The following ANKRD17 variants were observed in gnomAD, a reference collection of about 807,000 sequenced individuals.
The protein encoded by ANKRD17 is ankyrin repeat domain 17.
ANKRD17 carries 19 observed loss-of-function variants against 229.7 expected under a neutral mutation model. That is an observed-to-expected ratio of 0.08 (90% CI 0.06 to 0.12). The LOEUF is 0.12. Ranked by LOEUF, ANKRD17 falls within the 10% of genes least tolerant of loss-of-function variation. The pLI is 1.00. For missense variants in ANKRD17, 2,176 were observed against 3,176.8 expected (o/e 0.68, Z 7.57); for synonymous variants, 1,112 against 1,146.1 (o/e 0.97, Z 0.60).
chr4:73,205,241 C>G (rs756247227), intron 1 of ANKRD17, among the ~76,000 whole-genome samples: 1 of 152,134 alleles, frequency 6.6e-6, no homozygotes, highest in African/African-American at 2.4e-5. Flanking sequence ...GTGAGAGGAT[C>G]GCTTGTGCCC....
At chr4:73,179,553 C>T (rs142504791) in intron 1 of ANKRD17, among the ~76,000 whole-genome samples, 2,666 of 121,118 alleles carry the variant, frequency 0.022, 33 homozygotes, top group Middle Eastern at 0.06. Flanking sequence ...CATGGATAGT[C>T]TCACTGTGTT....
At chr4:73,219,018 A>T (rs1215861077) in intron 1 of ANKRD17, among the ~76,000 whole-genome samples, 3 of 152,130 alleles carry the variant, frequency 2.0e-5, no homozygotes, top group Non-Finnish European at 4.4e-5. Context: ...CTGAGATAAG[A>T]GTCACTGCAC....
chr4:73,165,703 T>C (rs936720868), intron 2 of ANKRD17, among the ~76,000 whole-genome samples: 1 of 152,162 alleles, frequency 6.6e-6, no homozygotes, highest in African/African-American at 2.4e-5. Flanking sequence ...TCAAATGAGC[T>C]TGTGAAAGGC....
Position 73,248,553 on chromosome 4 carries a change from A to C in ANKRD17, c.393+9723T>G, listed in dbSNP as rs1744707401. ...TTGCTAGATGTTAATAATGCTTCTTAAATAAATTTAGTTCAGAGAGTATAC... is the reference window on the plus strand; with the variant it reads ...TTGCTAGATGTTAATAATGCTTCTTCAATAAATTTAGTTCAGAGAGTATAC... On this transcript the variant is annotated intron_variant, in intron 1 of 33. Coordinates refer to ENST00000358602, the MANE Select transcript of ANKRD17 (RefSeq NM_032217.5). Among the ~76,000 whole-genome samples, 3 of 152,114 alleles carry C rather than the reference A, an allele frequency of 2.0e-5. No homozygotes were observed. In the South Asian group the frequency reaches 6.2e-4, roughly 32 times the overall value.
At chr4:73,099,803 A>C (rs1022435769) in intron 25 of ANKRD17, among the ~76,000 whole-genome samples, 1 of 152,034 alleles carries the variant, frequency 6.6e-6, no homozygotes, top group Non-Finnish European at 1.5e-5. Flanking sequence ...TGAGCCTCTT[A>C]CTTCCTCTTC....
At chr4:73,169,951 G>A (rs1274418079) in intron 2 of ANKRD17, among the ~76,000 whole-genome samples, 8 of 152,234 alleles carry the variant, frequency 5.3e-5, no homozygotes, top group South Asian at 2.1e-4. Context: ...CTGTCAACAC[G>A]GGCTGCAGTG....
intron 2 of ANKRD17, among the ~76,000 whole-genome samples, chr4:73,170,854 C>A (rs567137454): frequency 3.3e-5 from 5 of 152,202 alleles, no homozygotes; most frequent in African/African-American, 7.2e-5. Flanking sequence ...AGATACAGTA[C>A]AATAGACCCT....
At chr4:73,257,842 A>C (rs990917830) in intron 1 of ANKRD17, among the ~76,000 whole-genome samples, 3 of 151,914 alleles carry the variant, frequency 2.0e-5, no homozygotes, top group African/African-American at 7.3e-5. Context: ...CAACTGGGAG[A>C]AGTTGATCAA....
chr4:73,246,456 G>C (rs1238778016), intron 1 of ANKRD17, among the ~76,000 whole-genome samples: 1 of 152,076 alleles, frequency 6.6e-6, no homozygotes, highest in Non-Finnish European at 1.5e-5. Flanking sequence ...AACTGGATGG[G>C]ACTTTGAATT....
intron 1 of ANKRD17, among the ~76,000 whole-genome samples, chr4:73,193,506 C>G (rs934461229): frequency 1.3e-5 from 2 of 152,202 alleles, no homozygotes; most frequent in African/African-American, 4.8e-5. Flanking sequence ...TTCTCACTAG[C>G]TTTTGGTATC....
chr4:73,078,980 A>G lies in ANKRD17; in HGVS notation c.7160-90T>C. ...AAATCTTAAAACCAGGAGATGTTTT[A>G]AATATATATTCTCAGAAAAACAAAG... On this transcript the variant is annotated intron_variant, in intron 30 of 33. Coordinates refer to ENST00000358602, the MANE Select transcript of ANKRD17 (RefSeq NM_032217.5). The G allele has an allele frequency of 5.1e-6, 7 of 1,381,178 alleles. No individual in the cohort carries two copies. The East Asian group carries it at 1.7e-4, about 34-fold the overall frequency. 85.6% of individuals were successfully genotyped at this position (1,381,178 alleles called of 1,614,324 possible).
chr4:73,109,359 T>C (rs1578074721), intron 24 of ANKRD17, among the ~76,000 whole-genome samples: 1 of 151,172 alleles, frequency 6.6e-6, no homozygotes, highest in East Asian at 2.0e-4. Flanking sequence ...TAGATATTGG[T>C]GGGTGGATAG....
intron 1 of ANKRD17, among the ~76,000 whole-genome samples, chr4:73,191,937 T>C (rs1488239121): frequency 2.0e-5 from 3 of 152,112 alleles, no homozygotes; most frequent in Admixed American, 6.5e-5. Flanking sequence ...AAGTTCTTTT[T>C]ATTTTAACAG....
intron 1 of ANKRD17, among the ~76,000 whole-genome samples, chr4:73,242,030 C>T (rs1322410007): frequency 6.6e-6 from 1 of 152,046 alleles, no homozygotes; most frequent in Non-Finnish European, 1.5e-5. Flanking sequence ...AAGATATCTG[C>T]ATTATACTTA....
intron 24 of ANKRD17, among the ~76,000 whole-genome samples, chr4:73,107,522 G>C (rs990728875): frequency 6.6e-6 from 1 of 152,184 alleles, no homozygotes; most frequent in Non-Finnish European, 1.5e-5. Flanking sequence ...ATGTAAAAAA[G>C]GGGAAAAGAG....
chr4:73,239,690 ACT>A (rs1330235125), intron 1 of ANKRD17, among the ~76,000 whole-genome samples: 1 of 152,142 alleles, frequency 6.6e-6, no homozygotes, highest in African/African-American at 2.4e-5. Flanking sequence ...ATCTTCCTCT[ACT>A]GTTTAAATTT....
At chr4:73,117,840 ATTAC>A (rs1279590922) in intron 22 of ANKRD17, among the ~76,000 whole-genome samples, 3 of 152,232 alleles carry the variant, frequency 2.0e-5, no homozygotes, top group African/African-American at 7.2e-5. Context: ...ATTAAATCAA[ATTAC>A]TTACACACAG....
At chr4:73,244,492 T>C (rs909267985) in intron 1 of ANKRD17, among the ~76,000 whole-genome samples, 4 of 152,210 alleles carry the variant, frequency 2.6e-5, no homozygotes, top group African/African-American at 9.6e-5. Flanking sequence ...TTAGATGCGC[T>C]AGCCACATTT....
At chr4:73,089,050 T>TTA (rs1722502856) in intron 29 of ANKRD17, among the ~76,000 whole-genome samples, 1 of 151,794 alleles carries the variant, frequency 6.6e-6, no homozygotes, top group African/African-American at 2.4e-5. Flanking sequence ...TTTAAATTTT[T>TTA]TTTTTTTTTT....
Sources: allele counts gnomAD v4.1 joint callset (sites outside exome capture counted in the v4.1 genomes callset), GRCh38; gene constraint gnomAD v4.1.1; transcripts MANE v1.5; gene names NCBI Gene and HGNC (gene_info 2026-07-23, HGNC 2026-07-21).